Variants in VWA5B1 observed in about 807,000 individuals in gnomAD.
VWA5B1 encodes the protein von Willebrand factor A domain-containing protein 5B1.
A neutral mutation model predicts 118.2 loss-of-function variants in VWA5B1; 115 were observed. The ratio of observed to expected loss-of-function variants is 0.97; its 90% confidence interval spans 0.84 to 1.14. VWA5B1 has a LOEUF of 1.14. Ranked by LOEUF, VWA5B1 falls within the 50% of genes most tolerant of loss-of-function variation. VWA5B1 has a pLI of 0.00. For missense variants in VWA5B1, 1,596 were observed against 1,603.8 expected, an observed-to-expected ratio of 1.00 and a Z score of 0.08; for synonymous variants, 682 against 658.4, an observed-to-expected ratio of 1.04 and a Z score of -0.55.
chr1:20,298,563 C>T (rs1402386131), intron 1 of VWA5B1, among the ~76,000 whole-genome samples: 9 of 152,082 alleles, frequency 5.9e-5, no homozygotes, highest in Admixed American at 3.3e-4. Flanking sequence ...GCGCTTTATG[C>T]ACAGTTCTCT....
intron 1 of VWA5B1, among the ~76,000 whole-genome samples, chr1:20,310,294 C>T (rs1006485728): frequency 2.0e-5 from 3 of 152,132 alleles, no homozygotes; most frequent in Non-Finnish European, 4.4e-5. Context: ...TGGGCTCTAG[C>T]CCTGACTGTG....
rs1160902699 is a variant in VWA5B1 at position 20,327,946 on chromosome 1, T to C, written c.1200T>C (p.Ile400=). 6.4e-7 allele frequency: 1 copy of C among 1,551,656 alleles called. No homozygotes were observed. Among genetic ancestry groups the C allele is most frequent in the Non-Finnish European group, 8.7e-7 (1 of 1,147,002 alleles). The change falls in exon 9 of 22, where the codon ATT becomes ATC. Residue 400 remains isoleucine (I), a synonymous_variant. Transcript: ENST00000289815. ...TGCCAGCCTGCCTCTTCAATATCATTGGGTTTGGATCCACATTTAAGAGCC... is the reference window on the plus strand; with the variant it reads ...TGCCAGCCTGCCTCTTCAATATCATCGGGTTTGGATCCACATTTAAGAGCC... The part of the protein sequence containing the change: ...SLMPACLFNI[I]GFGSTFKSLF...
intron 1 of VWA5B1, among the ~76,000 whole-genome samples, chr1:20,298,547 T>C (rs2088449142): frequency 6.6e-6 from 1 of 152,048 alleles, no homozygotes; most frequent in Non-Finnish European, 1.5e-5. Flanking sequence ...CCAGGCACTG[T>C]GCCTGGCGCT....
In VWA5B1 at chr1:20,310,766, C is replaced by T. The variant is rs185748660; in HGVS notation, c.139+26C>T. ...GTAAGGACACCTGCTGGGGCCTCCC[C>T]GGGACCACCCCCTCCTCCACAGTGA... On this transcript the variant is annotated intron_variant, in intron 2 of 21. Transcript: ENST00000289815. 1.0e-3 allele frequency: 1,582 copies of T among 1,513,344 alleles called. 7 individuals are homozygous for T. Among genetic ancestry groups the T allele is most frequent in the Middle Eastern group, 7.3e-3 (42 of 5,786 alleles). 93.7% of individuals were successfully genotyped at this position (1,513,344 alleles called of 1,614,324 possible). A position where few individuals can be genotyped will look rare whatever the true frequency, so the allele number is the denominator to read the frequency against.
intron 1 of VWA5B1, among the ~76,000 whole-genome samples, chr1:20,308,123 T>C (rs1054029266): frequency 6.6e-6 from 1 of 152,130 alleles, no homozygotes; most frequent in Non-Finnish European, 1.5e-5. Context: ...AGTGAGAACA[T>C]GGGGTTTTTG....
rs545002008 is a variant in VWA5B1 at position 20,299,949 on chromosome 1, C to A, written c.-27+8861C>A. 1.1e-4 allele frequency among the ~76,000 whole-genome samples: 16 copies of A among 152,316 alleles called. No homozygotes were observed. The South Asian group carries it at 3.3e-3, about 32-fold the overall frequency. On this transcript the variant is annotated intron_variant, in intron 1 of 21. Coordinates refer to ENST00000289815, the MANE Select transcript of VWA5B1 (RefSeq NM_001039500.3). ...TGGTGTGGAAGGGTCACAGGCCCTG[C>A]GTAAGAGCAGCTGGCTGGCAGGTGC...
intron 1 of VWA5B1, among the ~76,000 whole-genome samples, chr1:20,305,817 A>G (rs1327003525): frequency 1.3e-5 from 2 of 151,798 alleles, no homozygotes; most frequent in Non-Finnish European, 2.9e-5. Flanking sequence ...TGGGAGCCCA[A>G]CAGATTGAAC....
In VWA5B1 at chr1:20,358,153, T is replaced by C. The variant is rs1395203118; in HGVS notation, c.*3890T>C. On this transcript the variant is annotated 3_prime_UTR_variant, in exon 22 of 22. Transcript: ENST00000289815. ...TTCTCTGCGGGCAAAATGAATGGCA[T>C]CCCCTAGCCTTCACTGACCTGAGCT... Among the ~76,000 whole-genome samples the C allele has an allele frequency of 1.3e-5, 2 of 152,144 alleles. No homozygotes were observed. Among genetic ancestry groups the C allele is most frequent in the Non-Finnish European group, 2.9e-5 (2 of 68,024 alleles).
chr1:20,317,405 C>T (rs1046795358), intron 4 of VWA5B1, 125 bp from the exon 5 acceptor site: 29 of 1,296,142 alleles, frequency 2.2e-5, no homozygotes, highest in East Asian at 7.8e-5. Flanking sequence ...TGGGAGAGCA[C>T]GGGTCTGGGG....
At chr1:20,331,970 G>A (rs551522742) in intron 11 of VWA5B1, among the ~76,000 whole-genome samples, 150 of 152,144 alleles carry the variant, frequency 9.9e-4, no homozygotes, top group African/African-American at 3.3e-3. Context: ...CACACCTAGC[G>A]CATGTCATTT....
At chr1:20,292,874 A>C (rs1213906008) in intron 1 of VWA5B1, among the ~76,000 whole-genome samples, 2 of 152,122 alleles carry the variant, frequency 1.3e-5, no homozygotes, top group African/African-American at 2.4e-5. Flanking sequence ...TGCAGACCCC[A>C]CTGCCTTGCT....
At chr1:20,311,979 A>G (rs2088863438) in intron 2 of VWA5B1, among the ~76,000 whole-genome samples, 1 of 152,204 alleles carries the variant, frequency 6.6e-6, no homozygotes, top group South Asian at 2.1e-4. Context: ...CCACGTGCAG[A>G]AGGAACAAGT....
Position 20,353,926 on chromosome 1 carries a change from G to A in VWA5B1, c.3311G>A (p.Ser1104Asn), listed in dbSNP as rs1435688540. The A allele has an allele frequency of 6.5e-7, 1 of 1,549,704 alleles. No individual in the cohort carries two copies. Among genetic ancestry groups the A allele is most frequent in the Non-Finnish European group, 8.7e-7 (1 of 1,145,812 alleles). The change falls in exon 22 of 22, where the codon AGC (serine) becomes AAC (asparagine). Residue 1104 changes from serine (S) to asparagine (N), a missense_variant. Coordinates refer to ENST00000289815, the MANE Select transcript of VWA5B1 (RefSeq NM_001039500.3). ...ACCCCGAGTCCCCAGCTGTGCACCAGCTCCCCGCCTAGGCACCCGTCCTGT... is the reference window on the plus strand; with the variant it reads ...ACCCCGAGTCCCCAGCTGTGCACCAACTCCCCGCCTAGGCACCCGTCCTGT... ...SKTPSPQLCT[S>N]SPPRHPSCDS...
Position 20,317,674 on chromosome 1 carries a change from A to C in VWA5B1, c.708A>C (p.Ala236=), listed in dbSNP as rs1443075355. The C allele has an allele frequency of 1.4e-5, 22 of 1,548,152 alleles. No individual in the cohort carries two copies. Among genetic ancestry groups the C allele is most frequent in the Non-Finnish European group, 1.8e-5 (21 of 1,144,914 alleles). The change falls in exon 5 of 22, where the codon GCA becomes GCC. Residue 236 remains alanine, a splice_region_variant and synonymous_variant. Transcript: ENST00000289815. ...QLEIRGPCLL[A]GVESPTHEIR... Reference sequence around the variant, plus strand: ...AGATCCGTGGGCCATGTCTGCTCGCAGGTGAGAGGGAGACATCCAGACGGG... The same window carrying C: ...AGATCCGTGGGCCATGTCTGCTCGCCGGTGAGAGGGAGACATCCAGACGGG...
chr1:20,330,399 G>T lies in VWA5B1; in HGVS notation c.1457+17G>T, dbSNP rs970214152. Reference sequence around the variant, plus strand: ...CTCCACCAGGTCGGCCTTGGCTGAGGGTCTAGGCTCGGTGACTCCAGGCTG... The same window carrying T: ...CTCCACCAGGTCGGCCTTGGCTGAGTGTCTAGGCTCGGTGACTCCAGGCTG... On this transcript the variant is annotated intron_variant, in intron 10 of 21. Transcript: ENST00000289815. 3.2e-6 allele frequency: 5 copies of T among 1,550,996 alleles called. No homozygotes were observed. In the African/African-American group the frequency reaches 5.5e-5, roughly 17 times the overall value.
intron 12 of VWA5B1, among the ~76,000 whole-genome samples, chr1:20,335,524 C>T (rs1218310612): frequency 2.0e-5 from 3 of 152,142 alleles, no homozygotes; most frequent in South Asian, 4.1e-4. Flanking sequence ...GTCAAAATTT[C>T]ACATATGACA....
intron 1 of VWA5B1, among the ~76,000 whole-genome samples, chr1:20,297,381 A>T (rs1225491582): frequency 1.3e-5 from 2 of 152,188 alleles, no homozygotes; most frequent in Non-Finnish European, 2.9e-5. Context: ...ATGGGCAAGC[A>T]CACATTGGCT....
intron 14 of VWA5B1, among the ~76,000 whole-genome samples, chr1:20,341,296 T>G (rs1364594843): frequency 6.6e-6 from 1 of 152,264 alleles, no homozygotes; most frequent in Non-Finnish European, 1.5e-5. Flanking sequence ...ATTTGCACTC[T>G]TGTGTATTTC....
At chr1:20,293,937 G>A (rs1260493675) in intron 1 of VWA5B1, among the ~76,000 whole-genome samples, 1 of 152,166 alleles carries the variant, frequency 6.6e-6, no homozygotes, top group Non-Finnish European at 1.5e-5. Context: ...TGACTGGAGT[G>A]TGAGTGCAGG....
Sources: allele counts gnomAD v4.1 joint callset (sites outside exome capture counted in the v4.1 genomes callset), GRCh38; gene constraint gnomAD v4.1.1; transcripts MANE v1.5; gene names NCBI Gene and HGNC (gene_info 2026-07-23, HGNC 2026-07-21).